The following AGBL4 variants were observed in gnomAD, a reference collection of about 807,000 sequenced individuals.
AGBL4 encodes the protein AGBL carboxypeptidase 4.
In AGBL4, 58 loss-of-function variants were observed where a neutral mutation model predicts 66.4. The ratio of observed to expected loss-of-function variants is 0.87; its 90% CI spans 0.71 to 1.09. AGBL4 has a LOEUF of 1.09. AGBL4 is among the 50% of genes least tolerant of loss of function. The pLI, the probability that AGBL4 is intolerant of heterozygous loss-of-function variation, is 0.00. For missense variants in AGBL4, 579 were observed against 631.0 expected (o/e 0.92, Z 0.88); for synonymous variants, 234 against 222.9 (o/e 1.05, Z -0.44).
At chr1:49,745,095 C>T (rs1335594396) in intron 2 of AGBL4, among the ~76,000 whole-genome samples, 2 of 152,010 alleles carry the variant, frequency 1.3e-5, no homozygotes, top group South Asian at 2.1e-4. Context: ...GGATTAAGCA[C>T]TCCAATTAAA....
intron 4 of AGBL4, among the ~76,000 whole-genome samples, chr1:49,055,479 G>A (rs1644292598): frequency 6.6e-6 from 1 of 151,934 alleles, no homozygotes; most frequent in Non-Finnish European, 1.5e-5. Flanking sequence ...TTTAAGTATA[G>A]TATGTTCTAT....
intron 3 of AGBL4, among the ~76,000 whole-genome samples, chr1:49,286,075 G>A (rs1197628094): frequency 6.6e-6 from 1 of 152,134 alleles, no homozygotes; most frequent in Non-Finnish European, 1.5e-5. Flanking sequence ...AATCATAAAT[G>A]TAATCCAGCA....
chr1:48,783,550 C>T (rs1436507473), intron 6 of AGBL4, among the ~76,000 whole-genome samples: 1 of 152,166 alleles, frequency 6.6e-6, no homozygotes, highest in Non-Finnish European at 1.5e-5. Flanking sequence ...GTGGTTAAAA[C>T]CTGACTTTGT....
chr1:49,885,571 C>T (rs1647940366), intron 1 of AGBL4, among the ~76,000 whole-genome samples: 1 of 151,986 alleles, frequency 6.6e-6, no homozygotes, highest in South Asian at 2.1e-4. Context: ...ACAACACAAA[C>T]AAGACATCTT....
intron 3 of AGBL4, among the ~76,000 whole-genome samples, chr1:49,435,844 C>T (rs1228348150): frequency 2.0e-5 from 3 of 151,964 alleles, no homozygotes; most frequent in African/African-American, 7.3e-5. Context: ...AATTAAGTTC[C>T]CCCAATTCAC....
intron 6 of AGBL4, among the ~76,000 whole-genome samples, chr1:48,699,887 T>C (rs1245431394): frequency 1.3e-5 from 2 of 151,714 alleles, no homozygotes; most frequent in Non-Finnish European, 2.9e-5. Context: ...TGCACTCTCA[T>C]GATACTATTT....
At chr1:49,882,909 C>G (rs1647559484) in intron 1 of AGBL4, among the ~76,000 whole-genome samples, 1 of 152,062 alleles carries the variant, frequency 6.6e-6, no homozygotes, top group Non-Finnish European at 1.5e-5. Flanking sequence ...GTGGAGAGTC[C>G]TATACAACTT....
At chr1:49,621,080 G>A (rs1645351628) in intron 3 of AGBL4, among the ~76,000 whole-genome samples, 1 of 152,132 alleles carries the variant, frequency 6.6e-6, no homozygotes, top group Non-Finnish European at 1.5e-5. Context: ...AGCACCCCAT[G>A]CCACGCCAGA....
chr1:48,824,210 G>C (rs1005916392), intron 6 of AGBL4, among the ~76,000 whole-genome samples: 17 of 152,194 alleles, frequency 1.1e-4, no homozygotes, highest in African/African-American at 4.1e-4. Context: ...GGCTCACAAT[G>C]GGGGAGTCAT....
chr1:48,794,780 A>G (rs1645630546), intron 6 of AGBL4, among the ~76,000 whole-genome samples: 3 of 152,166 alleles, frequency 2.0e-5, no homozygotes, highest in Admixed American at 2.0e-4. Context: ...GGCCTTCTGG[A>G]CTTTTTCATT....
intron 2 of AGBL4, among the ~76,000 whole-genome samples, chr1:49,765,849 T>C (rs1364537158): frequency 6.6e-6 from 1 of 151,984 alleles, no homozygotes; most frequent in Admixed American, 6.5e-5. Context: ...ATTTCAAAAA[T>C]TGAAGCCCAG....
chr1:49,682,350 G>A (rs1489778530), intron 3 of AGBL4, among the ~76,000 whole-genome samples: 4 of 152,142 alleles, frequency 2.6e-5, no homozygotes, highest in Admixed American at 6.6e-5. Context: ...GTTGCAGTGA[G>A]CCGAGATCAC....
intron 5 of AGBL4, among the ~76,000 whole-genome samples, chr1:48,918,078 G>A (rs1377578332): frequency 1.3e-5 from 2 of 152,200 alleles, no homozygotes; most frequent in African/African-American, 4.8e-5. Context: ...AGGCCTGGGA[G>A]ATAAACAGAT....
At chr1:49,395,745 A>ATG (rs1386560999) in intron 3 of AGBL4, among the ~76,000 whole-genome samples, 5 of 139,756 alleles carry the variant, frequency 3.6e-5, no homozygotes, top group East Asian at 2.0e-4. Context: ...ATATATATAT[A>ATG]TGTATATATA....
intron 4 of AGBL4, among the ~76,000 whole-genome samples, chr1:49,075,607 C>T (rs969172081): frequency 2.0e-5 from 3 of 152,034 alleles, no homozygotes; most frequent in Admixed American, 2.0e-4. Context: ...TACTAAAGTG[C>T]CATTCTATAA....
chr1:49,449,691 C>T (rs538391355), intron 3 of AGBL4, among the ~76,000 whole-genome samples: 3 of 151,998 alleles, frequency 2.0e-5, no homozygotes, highest in South Asian at 2.1e-4. Context: ...AGAGGTTGTA[C>T]GGTGGTTTTT....
intron 3 of AGBL4, among the ~76,000 whole-genome samples, chr1:49,492,734 C>A (rs781013158): frequency 6.6e-6 from 1 of 151,868 alleles, no homozygotes; most frequent in Non-Finnish European, 1.5e-5. Flanking sequence ...CTCTATTTCC[C>A]GGCCAATTAG....
chr1:49,124,851 G>T (rs1368226399), intron 4 of AGBL4, among the ~76,000 whole-genome samples: 1 of 152,134 alleles, frequency 6.6e-6, no homozygotes, highest in East Asian at 1.9e-4. Flanking sequence ...AACTTTATGG[G>T]TTGCAAAATA....
In AGBL4 at chr1:49,834,855, G is replaced by T. The variant is rs1276978111; in HGVS notation, c.157+16541C>A. On this transcript the variant is annotated intron_variant, in intron 2 of 13. Transcript: ENST00000371839. ...CTCAGTAGTCATTCAGGAGCAGGTTGTTCAGTTTCCATATAGCTGTGTGGT... is the reference window on the plus strand; with the variant it reads ...CTCAGTAGTCATTCAGGAGCAGGTTTTTCAGTTTCCATATAGCTGTGTGGT... Among the ~76,000 whole-genome samples the T allele has an allele frequency of 2.6e-5, 4 of 152,150 alleles. No individual in the cohort carries two copies. In the East Asian group the frequency reaches 7.7e-4, roughly 29 times the overall value.
Sources: gnomAD v4.1 joint callset for allele counts (sites outside exome capture counted in the v4.1 genomes callset) on GRCh38, gnomAD v4.1.1 for gene constraint, MANE v1.5 for transcripts, NCBI Gene and HGNC (gene_info 2026-07-23, HGNC 2026-07-21) for gene names.